PARN: variants seen among roughly 807,000 people sequenced by gnomAD.
PARN encodes the protein poly(A)-specific ribonuclease PARN.
Under a neutral mutation model 102.8 loss-of-function variants are expected in PARN, and 71 were observed. The observed-to-expected ratio is 0.69, with a 90% CI of 0.57 to 0.84. PARN has a LOEUF of 0.84. PARN is among the 40% of genes least tolerant of loss of function. The probability of loss-of-function intolerance (pLI) is 0.00; values close to 1 mark genes in which losing one functional copy is unlikely to be tolerated. For synonymous variants in PARN, 261 were observed against 252.9 expected, an observed-to-expected ratio of 1.03 and a Z score of -0.30; for missense variants, 782 against 760.9, an observed-to-expected ratio of 1.03 and a Z score of -0.33.
rs57502376 is a variant in PARN, at chr16:14,614,846, CAAAAAAAAAAAAAAAAA to C, written c.388+2727_388+2743del. ...ATGGGAAAGAAGAGCGAAACTGTCT[CAAAAAAAAAAAAAAAAA>C]AAAAAAAAAAAAAAAGAAAAGAAAA... is the stretch of plus-strand genomic sequence containing the variant. On this transcript the variant is annotated intron_variant, in intron 6 of 23. Coordinates refer to ENST00000437198, the MANE Select transcript of PARN (RefSeq NM_002582.4). Among the ~76,000 whole-genome samples the C allele has an allele frequency of 2.9e-4, 11 of 37,652 alleles. 1 individual carries two copies. In the East Asian group the frequency reaches 4.9e-3, roughly 17 times the overall value. The allele number at this position is 37,652 out of a possible 152,430, so 24.7% of individuals were successfully genotyped here. A position where few individuals can be genotyped will look rare whatever the true frequency, so the allele number is the denominator to read the frequency against.
intron 17 of PARN, 95 bp downstream of exon 17, chr16:14,582,086 C>T (rs72787692): frequency 1.2e-6 from 1 of 820,364 alleles, no homozygotes; most frequent in African/African-American, 1.7e-5. Context: ...AAGCCCCACA[C>T]TCGACAGTAA....
intron 13 of PARN, among the ~76,000 whole-genome samples, chr16:14,592,422 G>A (rs138251758): frequency 2.6e-5 from 4 of 152,288 alleles, no homozygotes; most frequent in Non-Finnish European, 5.9e-5. Flanking sequence ...AGACAAAAAA[G>A]ATGAAGAGGA....
intron 5 of PARN, among the ~76,000 whole-genome samples, chr16:14,626,614 TC>T (rs1972682134): frequency 1.3e-5 from 2 of 151,876 alleles, no homozygotes; most frequent in Non-Finnish European, 1.5e-5. Flanking sequence ...CTTAATTCAT[TC>T]TTTTTTTTTT....
intron 18 of PARN, among the ~76,000 whole-genome samples, chr16:14,563,518 G>GTATATA (rs1191306219): frequency 1.5e-5 from 1 of 68,046 alleles, no homozygotes; most frequent in African/African-American, 6.3e-5. Flanking sequence ...GTGTGTGTGT[G>GTATATA]TGTGTATATA....
intron 14 of PARN, among the ~76,000 whole-genome samples, 167 bp from the exon 15 acceptor site, chr16:14,584,958 T>C (rs540593400): frequency 6.6e-6 from 1 of 152,186 alleles, no homozygotes; most frequent in African/African-American, 2.4e-5. Context: ...ATTAAACACA[T>C]TGGCCATTTT....
At chr16:14,600,265 CT>C (rs1192173196) in intron 11 of PARN, among the ~76,000 whole-genome samples, 1 of 152,198 alleles carries the variant, frequency 6.6e-6, no homozygotes, top group Admixed American at 6.5e-5. Context: ...TTCAAGGTGT[CT>C]TAAAAACAGT....
chr16:14,496,176 A>G (rs1964306647), intron 21 of PARN, among the ~76,000 whole-genome samples: 1 of 152,246 alleles, frequency 6.6e-6, no homozygotes, highest in Non-Finnish European at 1.5e-5. Context: ...TTCTGACAGC[A>G]GGGCTGGGGT....
chr16:14,608,370 C>A, intron 8 of PARN, 51 bp from the exon 9 acceptor site: 3 of 1,117,306 alleles, frequency 2.7e-6, no homozygotes, highest in South Asian at 1.4e-5. Context: ...GAAGTAAATC[C>A]AAACTGATCA....
intron 21 of PARN, among the ~76,000 whole-genome samples, chr16:14,516,185 A>G (rs965330187): frequency 1.3e-5 from 2 of 152,014 alleles, no homozygotes; most frequent in African/African-American, 2.4e-5. Context: ...AAAAAGAATT[A>G]AATTAGATAA....
intron 21 of PARN, among the ~76,000 whole-genome samples, chr16:14,492,857 T>C (rs531949532): frequency 6.6e-6 from 1 of 152,254 alleles, no homozygotes; most frequent in East Asian, 1.9e-4. Context: ...AAACCTTAAG[T>C]TGTGTGGGGT....
rs182740237 is a variant in PARN, at chr16:14,507,932, T to C, written c.1481-25105A>G. On this transcript the variant is annotated intron_variant, in intron 21 of 23. Transcript: ENST00000437198. ...ACAGAGTTTAAACAACCTGAGAACA[T>C]TTCTCAACTGTTAATGAGAAAAGCA... Among the ~76,000 whole-genome samples, 3 of 152,340 alleles carry C rather than the reference T, an allele frequency of 2.0e-5. No individual in the cohort carries two copies. In the East Asian group the frequency reaches 5.8e-4, roughly 29 times the overall value.
At chr16:14,537,517 G>A (rs1217216148) in intron 21 of PARN, among the ~76,000 whole-genome samples, 1 of 152,128 alleles carries the variant, frequency 6.6e-6, no homozygotes, top group African/African-American at 2.4e-5. Context: ...CAATAGCTAA[G>A]ATAAGGAATC....
chr16:14,625,478 G>A (rs926873258), intron 5 of PARN, among the ~76,000 whole-genome samples: 30 of 152,002 alleles, frequency 2.0e-4, no homozygotes, highest in African/African-American at 6.8e-4. Context: ...GCCTGGACAA[G>A]AAGAGCGAAA....
chr16:14,457,727 G>A (rs1030385243), intron 22 of PARN, among the ~76,000 whole-genome samples: 1 of 149,456 alleles, frequency 6.7e-6, no homozygotes, highest in Non-Finnish European at 1.5e-5. Flanking sequence ...GAACCTGGGA[G>A]GCGGAGGTTG....
chr16:14,577,103 T>A (rs1461359044), intron 18 of PARN, among the ~76,000 whole-genome samples: 1 of 152,260 alleles, frequency 6.6e-6, no homozygotes, highest in Non-Finnish European at 1.5e-5. Context: ...ATTGTTTGCA[T>A]ATGTGGGCAG....
Position 14,446,904 on chromosome 16 carries a change from C to T in PARN, c.1848G>A (p.Lys616=). ...AATACAAACCTGCTGGAGAAAGCTCCTTCTTCATTCTTTTTAATTTCTTGG... is the reference window on the plus strand; with the variant it reads ...AATACAAACCTGCTGGAGAAAGCTCTTTCTTCATTCTTTTTAATTTCTTGG... ...KKAKKLKRMK[K]ELSPAGSISK... Residue 616 remains lysine (K), a synonymous_variant, in exon 23 of 24, where the codon AAG becomes AAA. Transcript: ENST00000437198. The T allele has an allele frequency of 1.9e-6, 3 of 1,612,634 alleles. No individual in the cohort carries two copies. The highest frequency in any genetic ancestry group is 1.1e-5 in the South Asian group (1 of 90,840).
intron 21 of PARN, among the ~76,000 whole-genome samples, chr16:14,526,093 C>T (rs916345394): frequency 1.3e-5 from 2 of 151,956 alleles, no homozygotes; most frequent in African/African-American, 2.4e-5. Context: ...GCTGGGATTA[C>T]AGGCATGAGC....
intron 6 of PARN, 23 bp from the exon 7 acceptor site, chr16:14,610,832 T>C (rs776980724): frequency 1.1e-5 from 17 of 1,535,866 alleles, no homozygotes; most frequent in East Asian, 2.2e-5. Context: ...TTAAAAAGAA[T>C]GCATTAGCAG....
intron 10 of PARN, among the ~76,000 whole-genome samples, chr16:14,605,928 C>T (rs1388894120): frequency 2.0e-5 from 3 of 152,156 alleles, no homozygotes; most frequent in Non-Finnish European, 4.4e-5. Flanking sequence ...TTCAAGTTTA[C>T]AAGGCATCAC....
Sources: allele counts gnomAD v4.1 joint callset (sites outside exome capture counted in the v4.1 genomes callset), GRCh38; gene constraint gnomAD v4.1.1; transcripts MANE v1.5; gene names NCBI Gene and HGNC (gene_info 2026-07-23, HGNC 2026-07-21).